SH3BP5: variants seen among roughly 807,000 people sequenced by gnomAD.
SH3BP5 encodes SH3 domain binding protein 5.
In SH3BP5, 22 loss-of-function variants were observed where a neutral mutation model predicts 43.3. The observed-to-expected ratio is 0.51, with a 90% CI of 0.36 to 0.73. The LOEUF is 0.73. Among genes scored for constraint, SH3BP5 ranks in the 30% least tolerant of loss-of-function variants. The pLI, the probability that SH3BP5 is intolerant of heterozygous loss-of-function variation, is 0.00. For synonymous variants in SH3BP5, 255 were observed against 225.8 expected, an observed-to-expected ratio of 1.13 and a Z score of -1.16; for missense variants, 529 against 586.9, an observed-to-expected ratio of 0.90 and a Z score of 1.02.
At chr3:15,323,083 G>A (rs1014232689) in intron 2 of SH3BP5, among the ~76,000 whole-genome samples, 2 of 151,970 alleles carry the variant, frequency 1.3e-5, no homozygotes, top group Admixed American at 1.3e-4. Flanking sequence ...TGGTTGCAGT[G>A]GCAGAGATCA....
intron 3 of SH3BP5, among the ~76,000 whole-genome samples, chr3:15,289,173 G>C (rs932075195): frequency 2.0e-5 from 3 of 152,184 alleles, no homozygotes; most frequent in Admixed American, 2.0e-4. Context: ...GTGGCAGTCT[G>C]TTAGCTGCTC....
chr3:15,300,507 C>CGG (rs869133759), intron 3 of SH3BP5, among the ~76,000 whole-genome samples: 3 of 10,502 alleles, frequency 2.9e-4, no homozygotes, highest in African/African-American at 4.4e-4. Context: ...GAAGCGGGGG[C>CGG]GGGGGGACAA....
chr3:15,259,926 C>T (rs1429266488), intron 5 of SH3BP5, 123 bp from the exon 6 acceptor site: 6 of 859,012 alleles, frequency 7.0e-6, no homozygotes, highest in East Asian at 4.9e-5. Context: ...ATTTAGTAAA[C>T]TCTTAACAAG....
In SH3BP5 at chr3:15,318,736, T is replaced by G. The variant is rs577990011; in HGVS notation, c.201+11768A>C. ...CACTGCAATACCTGGTTACTACTTT[T>G]TCTTTTTTGTATTTTAGTAGAGATA... On this transcript the variant is annotated intron_variant, in intron 2 of 8. Coordinates refer to ENST00000383791, the MANE Select transcript of SH3BP5 (RefSeq NM_004844.5). Among the ~76,000 whole-genome samples, 4 of 152,260 alleles carry G rather than the reference T, an allele frequency of 2.6e-5. No individual in the cohort carries two copies. The East Asian group carries it at 5.8e-4, about 22-fold the overall frequency.
At chr3:15,338,061 G>C (rs916283808) in intron 1 of SH3BP5, among the ~76,000 whole-genome samples, 3 of 151,046 alleles carry the variant, frequency 2.0e-5, no homozygotes, top group Non-Finnish European at 4.4e-5. Flanking sequence ...TGCTTTGTGA[G>C]CTAGGCGTGC....
intron 2 of SH3BP5, among the ~76,000 whole-genome samples, chr3:15,325,782 G>C (rs1698444601): frequency 6.6e-6 from 1 of 152,184 alleles, no homozygotes; most frequent in Non-Finnish European, 1.5e-5. Context: ...CATTTTGTGA[G>C]GCCAAGGGAG....
intron 2 of SH3BP5, 51 bp downstream of exon 2, chr3:15,330,453 C>T (rs1284182382): frequency 5.0e-5 from 73 of 1,461,094 alleles, no homozygotes; most frequent in Non-Finnish European, 7.0e-5. Context: ...CAGCCTTGTG[C>T]CGGTGTGAGT....
chr3:15,278,311 C>G (rs1207247213), intron 3 of SH3BP5, among the ~76,000 whole-genome samples: 1 of 152,256 alleles, frequency 6.6e-6, no homozygotes, highest in Non-Finnish European at 1.5e-5. Context: ...TCAATAACCC[C>G]TGGGGGGTCT....
chr3:15,277,479 C>T (rs1419564653), intron 3 of SH3BP5, among the ~76,000 whole-genome samples: 2 of 152,138 alleles, frequency 1.3e-5, no homozygotes. Context: ...GGGGAGAAGG[C>T]CTGCTGCTGT....
At chr3:15,264,451 C>T (rs945070740) in intron 4 of SH3BP5, 2 of 152,078 alleles carry the variant, frequency 1.3e-5, no homozygotes, top group Admixed American at 6.5e-5. Context: ...TGTTAGATCC[C>T]TCCTTATTTA....
intron 3 of SH3BP5, among the ~76,000 whole-genome samples, chr3:15,300,218 A>G (rs1229460001): frequency 6.6e-6 from 1 of 152,106 alleles, no homozygotes; most frequent in Non-Finnish European, 1.5e-5. Flanking sequence ...CTATTTTCTA[A>G]ATTTTCTACA....
At chr3:15,327,231 C>T (rs573512859) in intron 2 of SH3BP5, among the ~76,000 whole-genome samples, 1 of 151,954 alleles carries the variant, frequency 6.6e-6, no homozygotes, top group Non-Finnish European at 1.5e-5. Flanking sequence ...GAAACCCCAT[C>T]TCTACTAAAA....
At chr3:15,322,214 T>C (rs907850963) in intron 2 of SH3BP5, among the ~76,000 whole-genome samples, 2 of 150,014 alleles carry the variant, frequency 1.3e-5, no homozygotes, top group African/African-American at 5.0e-5. Flanking sequence ...AAAAAAAAAA[T>C]AATAACTATG....
At chr3:15,282,379 CTTAT>C (rs1346714514) in intron 3 of SH3BP5, among the ~76,000 whole-genome samples, 4 of 152,110 alleles carry the variant, frequency 2.6e-5, no homozygotes, top group Non-Finnish European at 4.4e-5. Flanking sequence ...CTTTTGCTAT[CTTAT>C]TTATTGCTGT....
rs1480710639 is a variant in SH3BP5, at chr3:15,256,850, C to CT, written c.1150+2_1150+3insA. 6.2e-7 allele frequency: 1 copy of CT among 1,604,124 alleles called. No individual in the cohort carries two copies. The highest frequency in any genetic ancestry group is 8.5e-7 in the Non-Finnish European group (1 of 1,172,706). On this transcript the variant is annotated splice_region_variant and intron_variant, in intron 8 of 8. Transcript: ENST00000383791. Reference sequence around the variant, plus strand: ...GGGACGGGGTGAGAAGGCTGCTACTCACCTCGTTCTACTTCACATTCAGGG... The same window carrying CT: ...GGGACGGGGTGAGAAGGCTGCTACTCTACCTCGTTCTACTTCACATTCAGGG...
chr3:15,312,299 TTC>T (rs1215364378), intron 2 of SH3BP5, among the ~76,000 whole-genome samples: 2 of 152,240 alleles, frequency 1.3e-5, no homozygotes, highest in Non-Finnish European at 2.9e-5. Flanking sequence ...TCATTGAATT[TTC>T]TGTTTGGAAA....
intron 2 of SH3BP5, among the ~76,000 whole-genome samples, chr3:15,313,874 G>A (rs559423743): frequency 1.2e-4 from 19 of 152,196 alleles, no homozygotes; most frequent in Admixed American, 4.6e-4. Context: ...GGCCACGGTG[G>A]GAGGATCTCC....
chr3:15,337,796 T>A (rs955799914), intron 1 of SH3BP5, among the ~76,000 whole-genome samples: 2 of 149,920 alleles, frequency 1.3e-5, no homozygotes, highest in Non-Finnish European at 3.0e-5. Context: ...GTACCTATAG[T>A]CCTAACTACC....
At chr3:15,273,755 A>G (rs2125070288) in intron 3 of SH3BP5, among the ~76,000 whole-genome samples, 1 of 152,356 alleles carries the variant, frequency 6.6e-6, no homozygotes, top group South Asian at 2.1e-4. Flanking sequence ...CCTCACTACA[A>G]CTGGTCCCTC....
Sources: gnomAD v4.1 joint callset for allele counts (sites outside exome capture counted in the v4.1 genomes callset) on GRCh38, gnomAD v4.1.1 for gene constraint, MANE v1.5 for transcripts, NCBI Gene and HGNC (gene_info 2026-07-23, HGNC 2026-07-21) for gene names.